PLD5: variants seen among roughly 807,000 people sequenced by gnomAD.
The protein encoded by PLD5 is inactive phospholipase D5.
In PLD5, 36 loss-of-function variants were observed where a neutral mutation model predicts 61.1. That is an observed-to-expected ratio of 0.59 (90% confidence interval 0.45 to 0.78). The LOEUF (loss-of-function observed/expected upper bound fraction) is 0.78. Ranked by LOEUF, PLD5 falls within the 30% of genes least tolerant of loss-of-function variation. The pLI, the probability that PLD5 is intolerant of heterozygous loss-of-function variation, is 0.00. For missense variants in PLD5, 515 were observed against 644.4 expected (o/e 0.80, Z 2.17); for synonymous variants, 243 against 242.8 (o/e 1.00, Z -0.01).
chr1:242,476,375 A>C lies in PLD5; in HGVS notation c.189+47713T>G, dbSNP rs149914253. On this transcript the variant is annotated intron_variant, in intron 1 of 9. Transcript: ENST00000536534. ...CGTCTCAAAAAAAAAAGAAAAAAGAAAAAAGAAAACCCCCCCAAATGGAGC... is the reference window on the plus strand; with the variant it reads ...CGTCTCAAAAAAAAAAGAAAAAAGACAAAAGAAAACCCCCCCAAATGGAGC... 2.3e-3 allele frequency among the ~76,000 whole-genome samples: 347 copies of C among 152,198 alleles called. 2 individuals carry two copies. Among genetic ancestry groups the C allele is most frequent in the African/African-American group, 8.0e-3 (334 of 41,530 alleles).
intron 3 of PLD5, among the ~76,000 whole-genome samples, chr1:242,269,947 C>A (rs1464322005): frequency 6.6e-6 from 1 of 152,144 alleles, no homozygotes; most frequent in Non-Finnish European, 1.5e-5. Context: ...CTTCTGGTAC[C>A]TTTCAATTCC....
intron 2 of PLD5, among the ~76,000 whole-genome samples, chr1:242,320,052 TC>T (rs1170665537): frequency 6.6e-6 from 1 of 152,244 alleles, no homozygotes; most frequent in African/African-American, 2.4e-5. Flanking sequence ...GATTTTGTGT[TC>T]TTTTGTCCTA....
intron 5 of PLD5, among the ~76,000 whole-genome samples, chr1:242,195,535 A>T (rs1014023245): frequency 1.3e-5 from 2 of 152,238 alleles, no homozygotes. Flanking sequence ...GACTAAAAAT[A>T]ACTTGAAAAT....
At chr1:242,290,043 C>A (rs1675268488) in intron 2 of PLD5, among the ~76,000 whole-genome samples, 1 of 150,796 alleles carries the variant, frequency 6.6e-6, no homozygotes, top group Non-Finnish European at 1.5e-5. Flanking sequence ...CCTTTATAAG[C>A]ACAGGGCAGG....
Position 242,288,506 on chromosome 1 carries a change from A to G in PLD5, c.351T>C (p.Pro117=), listed in dbSNP as rs745615409. 8 of 1,590,102 alleles carry G rather than the reference A, an allele frequency of 5.0e-6. No individual in the cohort carries two copies. The Admixed American group carries it at 1.5e-4, about 31-fold the overall frequency. ...CATTTTCTGAATAGTTAAGGCCTTC[A>G]GGAATATTTTCCACCAGGGCAATTC... ...KCRIALVENI[P]EGLNYSENAP... The change falls in exon 3 of 10, where the codon CCT becomes CCC. Residue 117 remains proline, a synonymous_variant. Transcript: ENST00000536534.
At position 242,524,349 on chromosome 1, in the gene PLD5, C is replaced by A; in HGVS notation, c.-73G>T. On this transcript the variant is annotated 5_prime_UTR_variant, in exon 1 of 10. Coordinates refer to ENST00000536534, the MANE Select transcript of PLD5 (RefSeq NM_001372062.1). ...CGCGCGGGGAGCCGGGCGCGGAGGG[C>A]GAGCGGGAGGCCCAGCGGGAGCCGG... 7.7e-7 allele frequency: 1 copy of A among 1,304,268 alleles called. No homozygotes were observed. The highest frequency in any genetic ancestry group is 9.8e-7 in the Non-Finnish European group (1 of 1,019,498). The allele number at this position is 1,304,268 out of a possible 1,614,324, so 80.8% of individuals were successfully genotyped here. A position where few individuals can be genotyped will look rare whatever the true frequency, so the allele number is the denominator to read the frequency against.
chr1:242,488,225 C>T (rs1668028217), intron 1 of PLD5, among the ~76,000 whole-genome samples: 2 of 152,150 alleles, frequency 1.3e-5, no homozygotes, highest in African/African-American at 4.8e-5. Context: ...TAGGTATTTA[C>T]CCAAATGAGC....
intron 8 of PLD5, among the ~76,000 whole-genome samples, chr1:242,101,680 T>C (rs1574295986): frequency 6.6e-6 from 1 of 152,122 alleles, no homozygotes; most frequent in Non-Finnish European, 1.5e-5. Flanking sequence ...GGGAGGAAAA[T>C]GGCATGATAC....
At chr1:242,198,701 C>CAAAAAAAAAA (rs10603005) in intron 5 of PLD5, among the ~76,000 whole-genome samples, 1 of 51,568 alleles carries the variant, frequency 1.9e-5, no homozygotes, top group African/African-American at 6.3e-5. Context: ...AAGTCCTTAG[C>CAAAAAAAAAA]AAAAAAAAAA....
chr1:242,386,574 A>ATTTGTGATTG (rs1212037753), intron 1 of PLD5, among the ~76,000 whole-genome samples: 1 of 152,212 alleles, frequency 6.6e-6, no homozygotes, highest in African/African-American at 2.4e-5. Context: ...TCACAAAGTC[A>ATTTGTGATTG]TATTCAGACA....
At chr1:242,145,939 G>A (rs111265846) in intron 5 of PLD5, among the ~76,000 whole-genome samples, 27 of 152,354 alleles carry the variant, frequency 1.8e-4, no homozygotes, top group African/African-American at 6.3e-4. Flanking sequence ...GCCTCCCAAA[G>A]TGTTGGGATT....
intron 2 of PLD5, among the ~76,000 whole-genome samples, chr1:242,308,680 A>C (rs1259373568): frequency 6.6e-6 from 1 of 152,230 alleles, no homozygotes; most frequent in Non-Finnish European, 1.5e-5. Flanking sequence ...AAAAAAATTA[A>C]ATTCGAAACC....
chr1:242,432,370 C>A (rs748748667), intron 1 of PLD5, among the ~76,000 whole-genome samples: 2 of 152,192 alleles, frequency 1.3e-5, no homozygotes, highest in African/African-American at 2.4e-5. Context: ...CGAGCTTAGA[C>A]AAGGCTACAG....
At chr1:242,311,311 C>T (rs989110295) in intron 2 of PLD5, among the ~76,000 whole-genome samples, 3 of 152,166 alleles carry the variant, frequency 2.0e-5, no homozygotes, top group African/African-American at 7.2e-5. Context: ...AATCCTCAAG[C>T]ATTTTCAAGG....
chr1:242,377,218 G>A (rs1662016004), intron 1 of PLD5: 3 of 1,611,484 alleles, frequency 1.9e-6, no homozygotes, highest in East Asian at 2.2e-5. Context: ...TCCCGGCACT[G>A]GTAGGAAGAA....
chr1:242,390,374 C>T (rs1662859058), intron 1 of PLD5, among the ~76,000 whole-genome samples: 2 of 152,130 alleles, frequency 1.3e-5, no homozygotes, highest in Admixed American at 6.5e-5. Context: ...AGGAGAAATA[C>T]TAAAAACATA....
chr1:242,194,124 G>C (rs754046021), intron 5 of PLD5, among the ~76,000 whole-genome samples: 20 of 152,114 alleles, frequency 1.3e-4, no homozygotes, highest in Non-Finnish European at 2.8e-4. Context: ...GGAAACGCAA[G>C]CTCCCCTACC....
At chr1:242,348,825 C>T (rs6673965) in intron 1 of PLD5, among the ~76,000 whole-genome samples, 2,702 of 152,156 alleles carry the variant, frequency 0.018, 72 homozygotes, top group African/African-American at 0.058. Flanking sequence ...GAGGCCAAGG[C>T]GGGCAGATCA....
intron 2 of PLD5, among the ~76,000 whole-genome samples, chr1:242,294,832 A>C (rs554271818): frequency 3.2e-4 from 48 of 152,226 alleles, no homozygotes; most frequent in Non-Finnish European, 5.3e-4. Context: ...TTTCAAACTC[A>C]TAAAGCACAG....
Sources: allele counts gnomAD v4.1 joint callset (sites outside exome capture counted in the v4.1 genomes callset), GRCh38; gene constraint gnomAD v4.1.1; transcripts MANE v1.5; gene names NCBI Gene and HGNC (gene_info 2026-07-23, HGNC 2026-07-21).